PELI2: variants seen among roughly 807,000 people sequenced by gnomAD.
PELI2 encodes the protein E3 ubiquitin-protein ligase pellino homolog 2.
A neutral mutation model predicts 42.3 loss-of-function variants in PELI2; 23 were observed. That is an observed-to-expected ratio of 0.54 (90% CI 0.39 to 0.77). The LOEUF is 0.77. PELI2 is among the 30% of genes least tolerant of loss of function. The pLI, the probability that PELI2 is intolerant of heterozygous loss-of-function variation, is 0.00. For synonymous variants in PELI2, 245 were observed against 212.2 expected (o/e 1.15, Z -1.34); for missense variants, 463 against 553.2 (o/e 0.84, Z 1.64).
rs562898672 is a variant in PELI2 at position 56,234,579 on chromosome 14, C to T, written c.208-45097C>T. On this transcript the variant is annotated intron_variant, in intron 2 of 5. Transcript: ENST00000267460. The stretch of plus-strand genomic sequence containing the variant: ...GAACACTTGGACACAGGGTGGGGAA[C>T]ATCGCACACCAGGGCCTGTGGTGGG... Among the ~76,000 whole-genome samples, 17 of 152,150 alleles carry T rather than the reference C, an allele frequency of 1.1e-4. No individual in the cohort carries two copies. The East Asian group carries it at 1.5e-3, about 14-fold the overall frequency.
intron 2 of PELI2, among the ~76,000 whole-genome samples, chr14:56,217,731 G>A (rs1363717830): frequency 6.6e-6 from 1 of 152,152 alleles, no homozygotes; most frequent in Non-Finnish European, 1.5e-5. Flanking sequence ...TAACCTTTGG[G>A]ATTTTAAAAT....
At chr14:56,249,625 A>G (rs1043698649) in intron 2 of PELI2, among the ~76,000 whole-genome samples, 2 of 152,196 alleles carry the variant, frequency 1.3e-5, no homozygotes, top group South Asian at 4.1e-4. Flanking sequence ...GGTGTGTCTC[A>G]TGAACAAGGA....
At chr14:56,233,286 C>CACATTG (rs907349434) in intron 2 of PELI2, among the ~76,000 whole-genome samples, 2 of 152,104 alleles carry the variant, frequency 1.3e-5, no homozygotes, top group African/African-American at 4.8e-5. Context: ...AAAAAGAGCC[C>CACATTG]ACATTGCCAA....
intron 2 of PELI2, among the ~76,000 whole-genome samples, chr14:56,214,549 G>C (rs1489168259): frequency 6.6e-6 from 1 of 152,064 alleles, no homozygotes; most frequent in Non-Finnish European, 1.5e-5. Context: ...GTTTCTTCTT[G>C]GTTCTCTTAG....
chr14:56,228,818 G>A (rs561185143), intron 2 of PELI2, among the ~76,000 whole-genome samples: 1 of 152,216 alleles, frequency 6.6e-6, no homozygotes, highest in Non-Finnish European at 1.5e-5. Flanking sequence ...CACCTGGGAA[G>A]CGCAAGAGAT....
intron 2 of PELI2, among the ~76,000 whole-genome samples, chr14:56,257,602 T>G (rs1888568332): frequency 6.6e-6 from 1 of 152,134 alleles, no homozygotes; most frequent in South Asian, 2.1e-4. Flanking sequence ...AGAATTCCAC[T>G]TCCATGCATG....
Position 56,296,780 on chromosome 14 carries a change from T to C in PELI2, c.877T>C (p.Phe293Leu). The part of the protein sequence containing the change: ...QCPVGLNTLA[F>L]PSINRKEVVE... Reference sequence around the variant, plus strand: ...TCCTGTGGGGCTCAACACCCTGGCCTTCCCCAGCATCAACAGGAAAGAGGT... The same window carrying C: ...TCCTGTGGGGCTCAACACCCTGGCCCTCCCCAGCATCAACAGGAAAGAGGT... The change falls in exon 6 of 6, where the codon TTC becomes CTC. Residue 293 changes from phenylalanine (F) to leucine (L), a missense_variant. Phe to Leu is a conservative substitution (Grantham distance 22). Transcript: ENST00000267460. The C allele has an allele frequency of 6.2e-7, 1 of 1,614,074 alleles. No individual in the cohort carries two copies. The highest frequency in any genetic ancestry group is 1.6e-4 in the Middle Eastern group (1 of 6,062).
intron 2 of PELI2, among the ~76,000 whole-genome samples, chr14:56,191,561 G>A (rs1885949058): frequency 6.6e-6 from 1 of 152,174 alleles, no homozygotes; most frequent in Admixed American, 6.5e-5. Context: ...TTCAGATCAG[G>A]TTGTCTGCAG....
Position 56,219,713 on chromosome 14 carries a change from G to A in PELI2, c.207+41249G>A, listed in dbSNP as rs530047825. ...TAGCCAATTTAAAAGCAGAAAATTA[G>A]ATGTGGAAAATTGTACTTAGGTTGG... is the stretch of plus-strand genomic sequence containing the variant. On this transcript the variant is annotated intron_variant, in intron 2 of 5. Transcript: ENST00000267460. The surrounding 1 kb of genome is among the most constrained non-coding windows in gnomAD (Gnocchi z 4.1). Among the ~76,000 whole-genome samples, 1 of 152,324 alleles carries A rather than the reference G, an allele frequency of 6.6e-6. No individual in the cohort carries two copies. The highest frequency in any genetic ancestry group is 1.9e-4 in the East Asian group (1 of 5,180).
intron 2 of PELI2, among the ~76,000 whole-genome samples, chr14:56,232,495 C>A (rs967884011): frequency 1.3e-5 from 2 of 151,992 alleles, no homozygotes; most frequent in Non-Finnish European, 2.9e-5. Context: ...ATTAGCAGAA[C>A]CAGAAACAAA....
chr14:56,275,582 A>G (rs1224759370), intron 2 of PELI2, among the ~76,000 whole-genome samples: 1 of 152,146 alleles, frequency 6.6e-6, no homozygotes, highest in Non-Finnish European at 1.5e-5. Context: ...ATGCGCATTC[A>G]CAATAGGGTT....
At chr14:56,126,734 T>G (rs2139580281) in intron 1 of PELI2, among the ~76,000 whole-genome samples, 1 of 152,260 alleles carries the variant, frequency 6.6e-6, no homozygotes, top group East Asian at 1.9e-4. Flanking sequence ...GATGATTGAT[T>G]GATGGATTGA....
chr14:56,293,922 G>A (rs1889917036), intron 5 of PELI2, among the ~76,000 whole-genome samples: 1 of 152,172 alleles, frequency 6.6e-6, no homozygotes, highest in Admixed American at 6.5e-5. Context: ...ACCACATCAG[G>A]GTGATCCTTT....
intron 1 of PELI2, among the ~76,000 whole-genome samples, chr14:56,131,742 T>C (rs1883492052): frequency 6.6e-6 from 1 of 152,226 alleles, no homozygotes; most frequent in East Asian, 1.9e-4. Context: ...TGTTTCCTCC[T>C]CTTCCCACTC....
At chr14:56,293,883 G>T (rs368038076) in intron 5 of PELI2, among the ~76,000 whole-genome samples, 6 of 152,300 alleles carry the variant, frequency 3.9e-5, no homozygotes, top group African/African-American at 1.2e-4. Flanking sequence ...ACAGCCAGAG[G>T]CTAGGCCACC....
chr14:56,200,060 G>A (rs1158887178), intron 2 of PELI2, among the ~76,000 whole-genome samples: 3 of 105,992 alleles, frequency 2.8e-5, no homozygotes, highest in African/African-American at 5.9e-5. Flanking sequence ...TACAATACAG[G>A]GAGCAACGAT....
chr14:56,172,230 T>G (rs1885201643), intron 1 of PELI2, among the ~76,000 whole-genome samples: 1 of 152,168 alleles, frequency 6.6e-6, no homozygotes, highest in Non-Finnish European at 1.5e-5. Flanking sequence ...CATCAGCTGG[T>G]CTGGAGTGTC....
At chr14:56,143,968 T>C (rs1208723141) in intron 1 of PELI2, among the ~76,000 whole-genome samples, 2 of 152,212 alleles carry the variant, frequency 1.3e-5, no homozygotes, top group Non-Finnish European at 2.9e-5. Context: ...TTCCAGACTA[T>C]CTTGGTGGAG....
At chr14:56,187,053 T>A (rs1218351130) in intron 2 of PELI2, among the ~76,000 whole-genome samples, 2 of 152,122 alleles carry the variant, frequency 1.3e-5, no homozygotes. Flanking sequence ...ATTCAACAAA[T>A]GAAGGAGTTA....
Sources: allele counts gnomAD v4.1 joint callset (sites outside exome capture counted in the v4.1 genomes callset), GRCh38; gene constraint gnomAD v4.1.1; non-coding constraint Gnocchi (gnomAD v3.1); transcripts MANE v1.5; gene names NCBI Gene and HGNC (gene_info 2026-07-23, HGNC 2026-07-21).